Variants in IGSF10 observed in about 807,000 individuals in gnomAD.
The protein encoded by IGSF10 is immunoglobulin superfamily member 10.
IGSF10 carries 126 observed loss-of-function variants against 128.2 expected under a neutral mutation model. The observed-to-expected ratio is 0.98, with a 90% confidence interval of 0.85 to 1.14. The LOEUF (loss-of-function observed/expected upper bound fraction) is 1.14. Among genes scored for constraint, IGSF10 ranks in the 50% most tolerant of loss-of-function variants. IGSF10 has a pLI of 0.00. For missense variants in IGSF10, 3,295 were observed against 3,149.8 expected (o/e 1.05, Z -1.10); for synonymous variants, 1,185 against 1,146.2 (o/e 1.03, Z -0.68).
the IGSF10 span, among the ~76,000 whole-genome samples, chr3:151,515,722 C>CGTGT: frequency 4.3e-3 from 630 of 147,138 alleles, 1 homozygote; most frequent in African/African-American, 0.015. Flanking sequence ...AATTATATTA[C>CGTGT]GTGTGTGTGT....
intron 7 of IGSF10, among the ~76,000 whole-genome samples, chr3:151,439,117 G>T (rs2108530163): frequency 6.6e-6 from 1 of 152,220 alleles, no homozygotes; most frequent in East Asian, 1.9e-4. Flanking sequence ...AAATCTTAAT[G>T]AAGAGGCACA....
the IGSF10 span, among the ~76,000 whole-genome samples, chr3:151,589,601 C>T: frequency 5.3e-5 from 8 of 152,254 alleles, no homozygotes; most frequent in East Asian, 1.2e-3. Context: ...CACTTGTCTG[C>T]GACTTGAGGA....
chr3:151,481,481 T>C, the IGSF10 span, among the ~76,000 whole-genome samples: 1 of 152,152 alleles, frequency 6.6e-6, no homozygotes, highest in Non-Finnish European at 1.5e-5. Flanking sequence ...CATCCCTTCT[T>C]TCTTGCACAG....
chr3:151,591,201 A>G, the IGSF10 span, among the ~76,000 whole-genome samples: 1 of 151,264 alleles, frequency 6.6e-6, no homozygotes, highest in Non-Finnish European at 1.5e-5. Context: ...AGAAATATGC[A>G]ATATTTCTGT....
the IGSF10 span, among the ~76,000 whole-genome samples, chr3:151,513,844 A>C: frequency 1.3e-5 from 2 of 151,822 alleles, no homozygotes; most frequent in African/African-American, 2.4e-5. Flanking sequence ...AACAGAGACC[A>C]AAATCATGAG....
At chr3:151,607,009 T>C in the IGSF10 span, among the ~76,000 whole-genome samples, 2 of 152,326 alleles carry the variant, frequency 1.3e-5, no homozygotes, top group African/African-American at 2.4e-5. Flanking sequence ...GGAACTAGTT[T>C]ACTGGACCTC....
downstream of IGSF10, chr3:151,432,655 C>A: frequency 1.2e-6 from 1 of 869,062 alleles, no homozygotes; most frequent in Non-Finnish European, 1.9e-6. Flanking sequence ...TTTCCCTGTA[C>A]CTGCAGCTGG....
At chr3:151,506,802 G>T in the IGSF10 span, among the ~76,000 whole-genome samples, 925 of 152,200 alleles carry the variant, frequency 6.1e-3, 27 homozygotes, top group Admixed American at 0.055. Context: ...ACCAGTAATT[G>T]GAAGATTGAT....
chr3:151,462,816 C>A (rs1398190672), upstream of IGSF10, among the ~76,000 whole-genome samples: 1 of 152,074 alleles, frequency 6.6e-6, no homozygotes, highest in East Asian at 1.9e-4. Context: ...TGAACATGGT[C>A]TTTAGCTCTG....
At chr3:151,492,063 A>G in the IGSF10 span, among the ~76,000 whole-genome samples, 1 of 152,202 alleles carries the variant, frequency 6.6e-6, no homozygotes, top group Non-Finnish European at 1.5e-5. Context: ...CGACAAAATG[A>G]AAAGGCAACC....
Position 151,447,648 on chromosome 3 carries a change from C to T in IGSF10, c.2333G>A (p.Ser778Asn). ...GAGTTGGGTGACCACTGGGGGTGGGCTCACTGTGGTATTTTCTCGCTTGTC... is the reference window on the plus strand; with the variant it reads ...GAGTTGGGTGACCACTGGGGGTGGGTTCACTGTGGTATTTTCTCGCTTGTC... The part of the protein sequence containing the change: ...MPDKRENTTV[S>N]PPPVVTQLPN... Residue 778 changes from serine (S) to asparagine (N), a missense_variant, in exon 6 of 8, where the codon AGC (serine) becomes AAC (asparagine). Physicochemically the swap from Ser to Asn is conservative, Grantham distance 46. Coordinates refer to ENST00000282466, the MANE Select transcript of IGSF10 (RefSeq NM_178822.5). The T allele has an allele frequency of 6.2e-7, 1 of 1,614,092 alleles. No homozygotes were observed. The highest frequency in any genetic ancestry group is 8.5e-7 in the Non-Finnish European group (1 of 1,180,032).
chr3:151,540,381 G>A, the IGSF10 span, among the ~76,000 whole-genome samples: 8 of 152,154 alleles, frequency 5.3e-5, no homozygotes, highest in African/African-American at 1.9e-4. Context: ...TATGAATGGA[G>A]TAATACAGTA....
chr3:151,470,410 G>GA, the IGSF10 span, among the ~76,000 whole-genome samples: 1 of 152,178 alleles, frequency 6.6e-6, no homozygotes, highest in Non-Finnish European at 1.5e-5. Flanking sequence ...AGACAATTAA[G>GA]AAGTTTTCTT....
chr3:151,594,577 TC>T, the IGSF10 span, among the ~76,000 whole-genome samples: 1 of 151,096 alleles, frequency 6.6e-6, no homozygotes, highest in Non-Finnish European at 1.5e-5. Flanking sequence ...TGCCTCGGCC[TC>T]CCAAAGTGCT....
In IGSF10 at chr3:151,447,268, C is replaced by A. The variant is rs1476976143; in HGVS notation, c.2713G>T (p.Asp905Tyr). The A allele has an allele frequency of 6.2e-7, 1 of 1,614,160 alleles. No homozygotes were observed. Among genetic ancestry groups the A allele is most frequent in the Non-Finnish European group, 8.5e-7 (1 of 1,180,018 alleles). The change falls in exon 6 of 8, where the codon GAC becomes TAC. Residue 905 changes from aspartate (D) to tyrosine (Y), a missense_variant. Coordinates refer to ENST00000282466, the MANE Select transcript of IGSF10 (RefSeq NM_178822.5). ...CTTCCTCTTCCCATCTGGTCAGAGT[C>A]CTGAAATTCAGTTGCTCCAAGTAGC... is the stretch of plus-strand genomic sequence containing the variant. ...PLLLGATEFQ[D>Y]SDQMGRGREH...
chr3:151,489,028 T>C, the IGSF10 span, among the ~76,000 whole-genome samples: 1 of 152,304 alleles, frequency 6.6e-6, no homozygotes, highest in South Asian at 2.1e-4. Context: ...ATCATCAGAA[T>C]GAACAAGCAA....
chr3:151,530,686 G>T, the IGSF10 span, among the ~76,000 whole-genome samples: 5 of 152,106 alleles, frequency 3.3e-5, no homozygotes, highest in Non-Finnish European at 5.9e-5. Flanking sequence ...TCCCCACCAG[G>T]CCTGCCTTAC....
the IGSF10 span, among the ~76,000 whole-genome samples, chr3:151,601,916 G>A: frequency 6.6e-6 from 1 of 152,290 alleles, no homozygotes; most frequent in East Asian, 1.9e-4. Flanking sequence ...TTCCTGTATA[G>A]AAAAGGCTAC....
the IGSF10 span, among the ~76,000 whole-genome samples, chr3:151,571,827 T>C: frequency 6.6e-6 from 1 of 152,224 alleles, no homozygotes; most frequent in East Asian, 1.9e-4. Flanking sequence ...TTCCAGTTTT[T>C]GCCCATTCAG....
Sources: gnomAD v4.1 joint callset for allele counts (sites outside exome capture counted in the v4.1 genomes callset) on GRCh38, gnomAD v4.1.1 for gene constraint, MANE v1.5 for transcripts, NCBI Gene and HGNC (gene_info 2026-07-23, HGNC 2026-07-21) for gene names.